The following LOC128462377 variants were observed in gnomAD, a reference collection of about 807,000 sequenced individuals.
the LOC128462377 span, among the ~76,000 whole-genome samples, chr16:89,416,672 G>C: frequency 6.7e-6 from 1 of 149,590 alleles, no homozygotes; most frequent in Admixed American, 6.7e-5. Flanking sequence ...GCTCACACCT[G>C]TAATCCCAGC....
the LOC128462377 span, among the ~76,000 whole-genome samples, chr16:89,375,800 G>C: frequency 6.9e-6 from 1 of 144,656 alleles, no homozygotes; most frequent in Non-Finnish European, 1.5e-5. Flanking sequence ...GCCTCTTGCA[G>C]TTCTCAAGTC....
the LOC128462377 span, among the ~76,000 whole-genome samples, chr16:89,396,321 G>C: frequency 6.6e-6 from 1 of 152,090 alleles, no homozygotes; most frequent in African/African-American, 2.4e-5. Flanking sequence ...GCTGACCTGG[G>C]TCACCTCCAG....
chr16:89,329,173 C>G, the LOC128462377 span, among the ~76,000 whole-genome samples: 1 of 152,228 alleles, frequency 6.6e-6, no homozygotes, highest in South Asian at 2.1e-4. Flanking sequence ...CTCGGGGAAA[C>G]AGGCGGGGAC....
At chr16:89,388,293 A>ATTTTTTTTTTTTTTTTTT in the LOC128462377 span, among the ~76,000 whole-genome samples, 9 of 85,298 alleles carry the variant, frequency 1.1e-4, 1 homozygote, top group African/African-American at 3.4e-4. Flanking sequence ...CATGAGGCTG[A>ATTTTTTTTTTTTTTTTTT]TTTTTTTTTT....
At chr16:89,357,444 A>C in the LOC128462377 span, among the ~76,000 whole-genome samples, 1 of 151,144 alleles carries the variant, frequency 6.6e-6, no homozygotes, top group Non-Finnish European at 1.5e-5. Flanking sequence ...TGCAACTGCC[A>C]AAAAAAAACA....
At chr16:89,381,331 C>G in the LOC128462377 span, among the ~76,000 whole-genome samples, 3 of 76,356 alleles carry the variant, frequency 3.9e-5, no homozygotes, top group African/African-American at 1.1e-4. Flanking sequence ...GACTCTGCTG[C>G]AAAAAAAAAA....
chr16:89,361,436 T>G, the LOC128462377 span: 2 of 152,294 alleles, frequency 1.3e-5, no homozygotes, highest in African/African-American at 4.8e-5. Flanking sequence ...GTCTTCATCA[T>G]CATTCAACTT....
chr16:89,415,645 C>A, the LOC128462377 span, among the ~76,000 whole-genome samples: 2 of 150,960 alleles, frequency 1.3e-5, no homozygotes, highest in African/African-American at 4.9e-5. Context: ...CTGGCCAACA[C>A]AGTGAAACCC....
At chr16:89,367,251 G>C in the LOC128462377 span, among the ~76,000 whole-genome samples, 1 of 152,228 alleles carries the variant, frequency 6.6e-6, no homozygotes, top group Non-Finnish European at 1.5e-5. Flanking sequence ...CGTTCTCTCA[G>C]GGGTGGGTAG....
chr16:89,349,174 T>C, the LOC128462377 span, among the ~76,000 whole-genome samples: 25 of 77,842 alleles, frequency 3.2e-4, no homozygotes, highest in Middle Eastern at 9.1e-3. Flanking sequence ...ATAATAATTA[T>C]AGTAATCAAG....
the LOC128462377 span, among the ~76,000 whole-genome samples, chr16:89,353,171 G>A: frequency 3.6e-4 from 54 of 152,030 alleles, no homozygotes; most frequent in African/African-American, 1.2e-3. Context: ...GTGAAACCCC[G>A]TCTCTACTAA....
chr16:89,368,561 A>C, the LOC128462377 span, among the ~76,000 whole-genome samples: 1 of 149,942 alleles, frequency 6.7e-6, no homozygotes, highest in African/African-American at 2.5e-5. Context: ...CTCTCAATTT[A>C]ATTTCTTGCT....
chr16:89,366,489 T>G, the LOC128462377 span, among the ~76,000 whole-genome samples: 1,180 of 152,328 alleles, frequency 7.7e-3, 13 homozygotes, highest in African/African-American at 0.027. Context: ...CGCCAGCATC[T>G]GTTATTTTTT....
chr16:89,325,481 A>T, the LOC128462377 span, among the ~76,000 whole-genome samples: 5 of 151,998 alleles, frequency 3.3e-5, no homozygotes, highest in South Asian at 8.3e-4. Flanking sequence ...ACACACACAC[A>T]CACACACACA....
chr16:89,405,773 G>T, the LOC128462377 span, among the ~76,000 whole-genome samples: 1 of 151,764 alleles, frequency 6.6e-6, no homozygotes, highest in Non-Finnish European at 1.5e-5. Flanking sequence ...TGGGGCTTAG[G>T]GGTCAAATTC....
chr16:89,363,953 C>T, the LOC128462377 span, among the ~76,000 whole-genome samples: 1 of 152,100 alleles, frequency 6.6e-6, no homozygotes, highest in South Asian at 2.1e-4. Flanking sequence ...CCCAGCAACT[C>T]AGGAGCCTGA....
chr16:89,366,223 A>G, the LOC128462377 span, among the ~76,000 whole-genome samples: 14 of 151,874 alleles, frequency 9.2e-5, no homozygotes, highest in South Asian at 2.1e-4. Flanking sequence ...TCTTTATCCA[A>G]TCCGTCACTG....
At chr16:89,380,364 G>A in the LOC128462377 span, among the ~76,000 whole-genome samples, 3 of 152,006 alleles carry the variant, frequency 2.0e-5, no homozygotes, top group Non-Finnish European at 4.4e-5. Context: ...CACCCACCTC[G>A]GCCTCCCAAA....
At chr16:89,405,891 C>T in the LOC128462377 span, among the ~76,000 whole-genome samples, 1 of 152,114 alleles carries the variant, frequency 6.6e-6, no homozygotes, top group Non-Finnish European at 1.5e-5. Flanking sequence ...CGGCAGATCA[C>T]CTGAGGACAG....
Sources: allele counts gnomAD v4.1 joint callset (sites outside exome capture counted in the v4.1 genomes callset), GRCh38; gene constraint gnomAD v4.1.1; transcripts MANE v1.5.